The following HCRTR2 variants were observed in gnomAD, a reference collection of about 807,000 sequenced individuals.
HCRTR2 encodes orexin receptor type 2.
In HCRTR2, 22 loss-of-function variants were observed where a neutral mutation model predicts 49.0. The ratio of observed to expected loss-of-function variants is 0.45; its 90% CI spans 0.32 to 0.64. HCRTR2 has a LOEUF of 0.64. HCRTR2 is among the 30% of genes least tolerant of loss of function. HCRTR2 has a pLI of 0.04. For synonymous variants in HCRTR2, 236 were observed against 205.3 expected, an observed-to-expected ratio of 1.15 and a Z score of -1.28; for missense variants, 491 against 559.4, an observed-to-expected ratio of 0.88 and a Z score of 1.23.
intron 1 of HCRTR2, among the ~76,000 whole-genome samples, chr6:55,223,260 CCAAA>C (rs1303823524): frequency 1.3e-5 from 2 of 152,022 alleles, no homozygotes; most frequent in Non-Finnish European, 2.9e-5. Context: ...CTATGTGATG[CCAAA>C]CAATTAGGTT....
intron 1 of HCRTR2, among the ~76,000 whole-genome samples, chr6:55,127,919 T>C (rs1356587805): frequency 6.6e-6 from 1 of 152,230 alleles, no homozygotes; most frequent in Non-Finnish European, 1.5e-5. Flanking sequence ...AGAAGCTCTT[T>C]AGTTTAATTA....
intron 1 of HCRTR2, among the ~76,000 whole-genome samples, chr6:55,164,159 C>T (rs1368265883): frequency 6.6e-6 from 1 of 152,154 alleles, no homozygotes; most frequent in Non-Finnish European, 1.5e-5. Context: ...AATAGGAACG[C>T]TTTTACACTG....
chr6:55,222,814 T>C (rs552307806), intron 1 of HCRTR2, among the ~76,000 whole-genome samples: 32 of 152,306 alleles, frequency 2.1e-4, no homozygotes, highest in African/African-American at 7.0e-4. Flanking sequence ...TCAGTGGGTA[T>C]AGAGTTTAAA....
At chr6:55,230,077 C>G (rs1269148950) in intron 1 of HCRTR2, among the ~76,000 whole-genome samples, 1 of 152,132 alleles carries the variant, frequency 6.6e-6, no homozygotes, top group Non-Finnish European at 1.5e-5. Flanking sequence ...CAGGCACCAA[C>G]CAGCAATACT....
chr6:55,217,147 T>C (rs1402271746), intron 1 of HCRTR2, among the ~76,000 whole-genome samples: 2 of 152,140 alleles, frequency 1.3e-5, no homozygotes, highest in Non-Finnish European at 2.9e-5. Flanking sequence ...GAGAGTACCC[T>C]GGGCCTGTCC....
intron 4 of HCRTR2, among the ~76,000 whole-genome samples, chr6:55,269,893 G>A (rs1766939333): frequency 6.6e-6 from 1 of 152,162 alleles, no homozygotes; most frequent in Non-Finnish European, 1.5e-5. Context: ...GAGCCTCAGA[G>A]GTGGAGGCTG....
At chr6:55,123,190 A>C (rs145090669) in intron 1 of HCRTR2, among the ~76,000 whole-genome samples, 1 of 151,972 alleles carries the variant, frequency 6.6e-6, no homozygotes, top group South Asian at 2.1e-4. Context: ...GAGAGAGGGC[A>C]TCCTTATCTT....
intron 1 of HCRTR2, among the ~76,000 whole-genome samples, chr6:55,197,207 C>T (rs1388737350): frequency 1.3e-5 from 2 of 152,128 alleles, no homozygotes. Context: ...CTATCTCTAA[C>T]CTAACATTAA....
At chr6:55,274,455 T>C (rs1177779327) in intron 4 of HCRTR2, among the ~76,000 whole-genome samples, 2 of 151,570 alleles carry the variant, frequency 1.3e-5, no homozygotes, top group Non-Finnish European at 2.9e-5. Flanking sequence ...TGTTTATTGA[T>C]TTAATGACCT....
chr6:55,187,411 CAAAAAAAAAAAAAAAAAAAAAAAAA>C (rs57619664), intron 1 of HCRTR2, among the ~76,000 whole-genome samples: 1 of 98,424 alleles, frequency 1.0e-5, no homozygotes, highest in Non-Finnish European at 2.0e-5. Context: ...GACTCCGTCT[CAAAAAAAAAAAAAAAAAAAAAAAAA>C]AAAAAAAAAA....
chr6:55,175,951 G>A (rs10456182), intron 1 of HCRTR2, among the ~76,000 whole-genome samples: 45,278 of 152,070 alleles, frequency 0.3, 7,246 homozygotes, highest in Middle Eastern at 0.45. Flanking sequence ...GCTAGGAGTT[G>A]CTCTTGATTT....
At chr6:55,149,509 A>C (rs1377012490) in intron 1 of HCRTR2, among the ~76,000 whole-genome samples, 4 of 152,134 alleles carry the variant, frequency 2.6e-5, no homozygotes, top group Admixed American at 6.6e-5. Flanking sequence ...GAGTACAAGA[A>C]AGGTCAATTG....
intron 1 of HCRTR2, among the ~76,000 whole-genome samples, chr6:55,177,748 G>T (rs1007016744): frequency 2.0e-5 from 3 of 152,104 alleles, no homozygotes; most frequent in African/African-American, 7.2e-5. Context: ...AGTCTTGATT[G>T]TCCTCATCTC....
chr6:55,165,627 T>C lies in HCRTR2; in HGVS notation c.-377-8584T>C, dbSNP rs1764865094. On this transcript the variant is annotated intron_variant, in intron 1 of 7. Transcript: ENST00000615358. Reference sequence around the variant, plus strand: ...AAGAAAACATGAATAAATTGGATCTTATCAAAATTTAAAACTTTTTTGCAT... The same window carrying C: ...AAGAAAACATGAATAAATTGGATCTCATCAAAATTTAAAACTTTTTTGCAT... 2.0e-5 allele frequency among the ~76,000 whole-genome samples: 3 copies of C among 151,516 alleles called. No homozygotes were observed. In the South Asian group the frequency reaches 6.2e-4, roughly 31 times the overall value.
chr6:55,156,581 A>C (rs1415076867), intron 1 of HCRTR2, among the ~76,000 whole-genome samples: 1 of 151,778 alleles, frequency 6.6e-6, no homozygotes, highest in Non-Finnish European at 1.5e-5. Context: ...AGACACACAC[A>C]CACACACACA....
chr6:55,174,900 C>T (rs2127269194), intron 1 of HCRTR2, 90 bp downstream of exon 1: 1 of 974,200 alleles, frequency 1.0e-6, no homozygotes, highest in Non-Finnish European at 1.7e-6. Flanking sequence ...CTCCCTCCCC[C>T]GGGAAGCAAA....
intron 1 of HCRTR2, among the ~76,000 whole-genome samples, chr6:55,112,989 A>T (rs1421972920): frequency 6.6e-6 from 1 of 151,924 alleles, no homozygotes; most frequent in African/African-American, 2.4e-5. Flanking sequence ...CTTACAGCCA[A>T]CTGATCTTCA....
chr6:55,211,248 T>C (rs1765690573), intron 1 of HCRTR2, among the ~76,000 whole-genome samples: 1 of 152,174 alleles, frequency 6.6e-6, no homozygotes, highest in South Asian at 2.1e-4. Context: ...ACTCTATTAT[T>C]AGGTCTATTT....
At chr6:55,170,280 T>G (rs879726985), upstream of HCRTR2, among the ~76,000 whole-genome samples, 10 of 148,728 alleles carry the variant, frequency 6.7e-5, no homozygotes, top group Admixed American at 3.4e-4. Context: ...TATTTATTTA[T>G]ACATGTAAAT....
Sources: gnomAD v4.1 joint callset for allele counts (sites outside exome capture counted in the v4.1 genomes callset) on GRCh38, gnomAD v4.1.1 for gene constraint, MANE v1.5 for transcripts, NCBI Gene and HGNC (gene_info 2026-07-23, HGNC 2026-07-21) for gene names.